JAKMIP2: variants seen among roughly 807,000 people sequenced by gnomAD.
JAKMIP2 encodes the protein janus kinase and microtubule-interacting protein 2.
Under a neutral mutation model 115.0 loss-of-function variants are expected in JAKMIP2, and 25 were observed. The observed-to-expected ratio is 0.22, with a 90% confidence interval of 0.16 to 0.30. JAKMIP2 has a LOEUF of 0.30. Ranked by LOEUF, JAKMIP2 falls within the 10% of genes least tolerant of loss-of-function variation. The pLI is 1.00. For synonymous variants in JAKMIP2, 334 were observed against 343.6 expected (o/e 0.97, Z 0.31); for missense variants, 642 against 957.6 (o/e 0.67, Z 4.35).
Position 147,661,222 on chromosome 5 carries a change from A to T in JAKMIP2, c.353T>A (p.Leu118His). ...ACTGCTGCCGTCGCGGAGAGCACAGAGAGCAGACTTGAGCCTCTGGATCTC... is the reference window on the plus strand; with the variant it reads ...ACTGCTGCCGTCGCGGAGAGCACAGTGAGCAGACTTGAGCCTCTGGATCTC... ...DGEIQRLKSA[L>H]CALRDGSSDK... Residue 118 changes from leucine to histidine, a missense_variant, in exon 3 of 22, where the codon CTC (leucine) becomes CAC (histidine). Physicochemically the swap from Leu to His is moderately conservative, Grantham distance 99 (BLOSUM62 -3). Around this residue, in one of 6 missense-constraint regions of JAKMIP2, gnomAD observed 439 missense variants for 570.9 expected, o/e 0.77. Transcript: ENST00000616793. The T allele has an allele frequency of 6.2e-7, 1 of 1,613,948 alleles. No individual in the cohort carries two copies. The highest frequency in any genetic ancestry group is 2.2e-5 in the East Asian group (1 of 44,824).
At chr5:147,763,089 T>G (rs1754987731) in intron 1 of JAKMIP2, among the ~76,000 whole-genome samples, 1 of 152,016 alleles carries the variant, frequency 6.6e-6, no homozygotes, top group Non-Finnish European at 1.5e-5. Flanking sequence ...AAAGGGTGAG[T>G]AGCCTGAGAC....
intron 19 of JAKMIP2, among the ~76,000 whole-genome samples, chr5:147,616,311 G>T (rs745725483): frequency 6.6e-6 from 1 of 152,140 alleles, no homozygotes; most frequent in Non-Finnish European, 1.5e-5. Flanking sequence ...ACTGGGAAAG[G>T]CATATTCTAA....
intron 1 of JAKMIP2, among the ~76,000 whole-genome samples, chr5:147,692,653 A>T (rs967649721): frequency 6.6e-6 from 1 of 152,198 alleles, no homozygotes; most frequent in Non-Finnish European, 1.5e-5. Flanking sequence ...TATGATAAAC[A>T]TTTTTTAAAT....
chr5:147,633,970 G>A (rs116995975), intron 12 of JAKMIP2, among the ~76,000 whole-genome samples: 7 of 152,134 alleles, frequency 4.6e-5, no homozygotes, highest in African/African-American at 4.8e-5. Flanking sequence ...GATTACAGGC[G>A]TGAGCCATTG....
intron 1 of JAKMIP2, among the ~76,000 whole-genome samples, chr5:147,691,986 C>G (rs1751879550): frequency 6.6e-6 from 1 of 152,002 alleles, no homozygotes; most frequent in Admixed American, 6.5e-5. Flanking sequence ...TCCATAGATT[C>G]TAATCATCTC....
intron 1 of JAKMIP2, among the ~76,000 whole-genome samples, chr5:147,745,212 C>T (rs1257304199): frequency 6.6e-6 from 1 of 152,150 alleles, no homozygotes; most frequent in East Asian, 1.9e-4. Context: ...CTAAGAAACA[C>T]TTTACCAATG....
intron 1 of JAKMIP2, among the ~76,000 whole-genome samples, chr5:147,699,865 A>G (rs2126881606): frequency 6.6e-6 from 1 of 152,306 alleles, no homozygotes; most frequent in South Asian, 2.1e-4. Flanking sequence ...GCCCTTCCTG[A>G]AGAACACCAA....
chr5:147,744,063 C>G (rs948618245), intron 1 of JAKMIP2, among the ~76,000 whole-genome samples: 3 of 144,300 alleles, frequency 2.1e-5, no homozygotes, highest in Non-Finnish European at 4.5e-5. Flanking sequence ...TCCTTCCTCT[C>G]TCTTTCTATT....
intron 21 of JAKMIP2, among the ~76,000 whole-genome samples, chr5:147,598,819 C>A (rs530508774): frequency 6.6e-6 from 1 of 152,134 alleles, no homozygotes; most frequent in African/African-American, 2.4e-5. Flanking sequence ...GAACACAATA[C>A]AAATCATTAA....
intron 21 of JAKMIP2, among the ~76,000 whole-genome samples, chr5:147,595,105 T>C (rs539882837): frequency 6.6e-6 from 1 of 152,304 alleles, no homozygotes; most frequent in East Asian, 1.9e-4. Context: ...AATGAGCCTT[T>C]CTATGTGCCA....
intron 5 of JAKMIP2, among the ~76,000 whole-genome samples, chr5:147,646,625 G>A (rs1758141917): frequency 6.6e-6 from 1 of 151,630 alleles, no homozygotes; most frequent in East Asian, 1.9e-4. Flanking sequence ...GTGTATATAT[G>A]TATGTGTAAA....
chr5:147,708,992 T>C (rs17107233), intron 1 of JAKMIP2, among the ~76,000 whole-genome samples: 24,382 of 152,128 alleles, frequency 0.16, 2,262 homozygotes, highest in African/African-American at 0.25. Flanking sequence ...GTTAAAATCA[T>C]CCTCTCAATG....
intron 1 of JAKMIP2, among the ~76,000 whole-genome samples, chr5:147,676,930 T>C (rs1439845015): frequency 6.6e-6 from 1 of 152,210 alleles, no homozygotes. Flanking sequence ...CAAAATCTAC[T>C]TGAGAGCTCT....
In JAKMIP2 at chr5:147,586,914, T is replaced by C. The variant is rs928268830; in HGVS notation, c.*4793A>G. Reference sequence around the variant, plus strand: ...ACTTGGACTCCCAGCAAGAGATTTATTTAGGAAGAACTAAACCGCCAAACT... The same window carrying C: ...ACTTGGACTCCCAGCAAGAGATTTACTTAGGAAGAACTAAACCGCCAAACT... On this transcript the variant is annotated 3_prime_UTR_variant, in exon 22 of 22. Coordinates refer to ENST00000616793, the MANE Select transcript of JAKMIP2 (RefSeq NM_001270941.2). The C allele has an allele frequency of 4.6e-5, 7 of 152,098 alleles. No homozygotes were observed. The highest frequency in any genetic ancestry group is 2.0e-4 in the Admixed American group (3 of 15,268). The allele number at this position is 152,098 out of a possible 1,614,324, so 9.4% of individuals were successfully genotyped here. A position where few individuals can be genotyped will look rare whatever the true frequency, so the allele number is the denominator to read the frequency against.
At chr5:147,765,151 G>A (rs1036908810) in intron 1 of JAKMIP2, among the ~76,000 whole-genome samples, 6 of 151,590 alleles carry the variant, frequency 4.0e-5, no homozygotes, top group Non-Finnish European at 8.8e-5. Flanking sequence ...GGAGGATTAC[G>A]GTATGAGCAT....
intron 1 of JAKMIP2, among the ~76,000 whole-genome samples, chr5:147,675,699 A>C (rs1759905212): frequency 6.6e-6 from 1 of 151,704 alleles, no homozygotes; most frequent in Non-Finnish European, 1.5e-5. Context: ...GCAACCACTA[A>C]GTCTATTTAG....
chr5:147,686,828 G>T (rs1760595744), intron 1 of JAKMIP2, among the ~76,000 whole-genome samples: 2 of 152,070 alleles, frequency 1.3e-5, no homozygotes. Context: ...TTATATTTGA[G>T]AAACACATTT....
chr5:147,638,930 G>T (rs899508970), intron 10 of JAKMIP2, among the ~76,000 whole-genome samples: 5 of 152,142 alleles, frequency 3.3e-5, no homozygotes, highest in Non-Finnish European at 7.4e-5. Context: ...TAGATAATGT[G>T]TGTAAAATGT....
intron 1 of JAKMIP2, among the ~76,000 whole-genome samples, chr5:147,678,530 A>G (rs1760093614): frequency 6.6e-6 from 1 of 152,180 alleles, no homozygotes; most frequent in Non-Finnish European, 1.5e-5. Context: ...TTATTTGGTG[A>G]TGGATACTGA....
Sources: allele counts gnomAD v4.1 joint callset (sites outside exome capture counted in the v4.1 genomes callset), GRCh38; gene constraint gnomAD v4.1.1; regional missense constraint gnomAD v4.1.1; transcripts MANE v1.5; gene names NCBI Gene and HGNC (gene_info 2026-07-23, HGNC 2026-07-21).